Variants in PAX5 observed in about 807,000 individuals in gnomAD.
The protein encoded by PAX5 is paired box protein Pax-5.
A neutral mutation model predicts 43.7 loss-of-function variants in PAX5; 9 were observed. The ratio of observed to expected loss-of-function variants is 0.21; its 90% confidence interval spans 0.12 to 0.36. PAX5 has a LOEUF of 0.36. PAX5 is among the 10% of genes least tolerant of loss of function. PAX5 has a pLI of 1.00. For missense variants in PAX5, 383 were observed against 532.7 expected (o/e 0.72, Z 2.77); for synonymous variants, 228 against 214.3 (o/e 1.06, Z -0.56).
intron 6 of PAX5, among the ~76,000 whole-genome samples, chr9:36,962,896 C>T (rs75144924): frequency 4.1e-4 from 62 of 152,232 alleles, no homozygotes; most frequent in African/African-American, 1.5e-3. Context: ...CTGTCACCAC[C>T]GCCATGCCAC....
chr9:36,969,585 C>A (rs1463344286), intron 5 of PAX5, among the ~76,000 whole-genome samples: 18 of 152,252 alleles, frequency 1.2e-4, no homozygotes, highest in Non-Finnish European at 2.1e-4. Context: ...CAGGCAGCCT[C>A]GCTGGACACG....
chr9:36,943,476 C>A (rs1832226928), intron 6 of PAX5, among the ~76,000 whole-genome samples: 2 of 151,136 alleles, frequency 1.3e-5, no homozygotes, highest in South Asian at 4.2e-4. Flanking sequence ...ATCTTACTTG[C>A]TAACTTCAGC....
Position 36,846,877 on chromosome 9 carries a change from G to A in PAX5, c.1065C>T (p.Asn355=), listed in dbSNP as rs148662730. The change falls in exon 9 of 10, where the codon AAC becomes AAT. Residue 355 remains asparagine (N), a synonymous_variant. Coordinates refer to ENST00000358127, the MANE Select transcript of PAX5 (RefSeq NM_016734.3). Reference sequence around the variant, plus strand: ...CCGGGTTGGGGAACCTCCAGGAGTCGTTGTACGAGGAATACTGAGGGTGGC... The same window carrying A: ...CCGGGTTGGGGAACCTCCAGGAGTCATTGTACGAGGAATACTGAGGGTGGC... The part of the protein sequence containing the change: ...PYSHPQYSSY[N]DSWRFPNPGL... The A allele has an allele frequency of 4.0e-5, 64 of 1,614,086 alleles. 1 individual carries two copies. Among genetic ancestry groups the A allele is most frequent in the East Asian group, 1.8e-4 (8 of 44,878 alleles).
At chr9:36,864,988 C>G (rs1033132865) in intron 8 of PAX5, among the ~76,000 whole-genome samples, 1 of 152,216 alleles carries the variant, frequency 6.6e-6, no homozygotes, top group South Asian at 2.1e-4. Context: ...GAGAGAGGCA[C>G]CGCGGCCTTC....
At chr9:36,884,102 A>G (rs1038625967) in intron 7 of PAX5, among the ~76,000 whole-genome samples, 1 of 152,236 alleles carries the variant, frequency 6.6e-6, no homozygotes, top group Non-Finnish European at 1.5e-5. Flanking sequence ...CTCAGTTATT[A>G]AACTGTTCCC....
intron 8 of PAX5, chr9:36,856,560 C>G (rs534645418): frequency 1.3e-5 from 2 of 151,384 alleles, no homozygotes; most frequent in African/African-American, 4.9e-5. Context: ...TTTTTTTAGG[C>G]GGAGTCTCGC....
chr9:36,868,385 G>T (rs1268490255), intron 8 of PAX5, among the ~76,000 whole-genome samples: 1 of 152,248 alleles, frequency 6.6e-6, no homozygotes, highest in Admixed American at 6.5e-5. Flanking sequence ...GACCTCAGAC[G>T]CAGCCAGGAG....
intron 7 of PAX5, among the ~76,000 whole-genome samples, chr9:36,915,438 T>C (rs560528267): frequency 2.6e-5 from 4 of 152,322 alleles, no homozygotes; most frequent in African/African-American, 7.2e-5. Flanking sequence ...GTTTTAAAGT[T>C]ATAAGTCAGG....
intron 7 of PAX5, among the ~76,000 whole-genome samples, chr9:36,890,762 T>C (rs1055368457): frequency 1.3e-5 from 2 of 152,112 alleles, no homozygotes; most frequent in African/African-American, 4.8e-5. Flanking sequence ...CTGGAGCCCC[T>C]GAATTAAACC....
intron 8 of PAX5, among the ~76,000 whole-genome samples, chr9:36,860,563 TC>T (rs1824121569): frequency 6.6e-6 from 1 of 152,190 alleles, no homozygotes. Context: ...CACCCTCAAC[TC>T]TATGAAGCAG....
chr9:36,955,711 G>A (rs993029406), intron 6 of PAX5, among the ~76,000 whole-genome samples: 1 of 150,058 alleles, frequency 6.7e-6, no homozygotes, highest in Non-Finnish European at 1.5e-5. Flanking sequence ...TGCACTTAAA[G>A]TTCTGGCTTT....
At chr9:36,975,834 G>T (rs752337576) in intron 5 of PAX5, among the ~76,000 whole-genome samples, 4 of 152,316 alleles carry the variant, frequency 2.6e-5, no homozygotes, top group African/African-American at 7.2e-5. Context: ...CTCAATAAAC[G>T]TTAGCTGTTT....
At chr9:36,903,081 G>A (rs1828541792) in intron 7 of PAX5, among the ~76,000 whole-genome samples, 1 of 152,186 alleles carries the variant, frequency 6.6e-6, no homozygotes, top group Admixed American at 6.5e-5. Flanking sequence ...GGCAATGGAG[G>A]ATAAGAAAGC....
At chr9:37,001,810 CTTTT>C (rs3073720) in intron 5 of PAX5, among the ~76,000 whole-genome samples, 208 of 87,994 alleles carry the variant, frequency 2.4e-3, no homozygotes, top group African/African-American at 8.9e-3. Context: ...ACAGCTCTGG[CTTTT>C]TTTTTTTTTT....
chr9:36,940,095 G>A (rs772402770), intron 6 of PAX5, among the ~76,000 whole-genome samples: 11 of 152,206 alleles, frequency 7.2e-5, no homozygotes, highest in Non-Finnish European at 1.5e-4. Context: ...AGGAGTCTGA[G>A]GCTCCCCTGC....
intron 7 of PAX5, among the ~76,000 whole-genome samples, chr9:36,884,254 A>G (rs1032633686): frequency 6.6e-6 from 1 of 152,242 alleles, no homozygotes; most frequent in Non-Finnish European, 1.5e-5. Context: ...AAAGTCTACT[A>G]TCATACTGAT....
chr9:36,910,367 C>T (rs935031335), intron 7 of PAX5, among the ~76,000 whole-genome samples: 18 of 152,204 alleles, frequency 1.2e-4, no homozygotes, highest in African/African-American at 4.3e-4. Context: ...ACATTATTTA[C>T]ATCCCCTATG....
Position 36,838,222 on chromosome 9 carries a change from G to T in PAX5, c.*2338C>A, listed in dbSNP as rs572535060. On this transcript the variant is annotated 3_prime_UTR_variant, in exon 10 of 10. Coordinates refer to ENST00000358127, the MANE Select transcript of PAX5 (RefSeq NM_016734.3). ...GGGTGCATGTGCCTGCTGTGAGCTC[G>T]CTGGGCTCCATCCCTGGCCTGGGTG... 1.1e-4 allele frequency: 25 copies of T among 233,032 alleles called. No individual in the cohort carries two copies. Among genetic ancestry groups the T allele is most frequent in the African/African-American group, 5.3e-4 (24 of 45,314 alleles). 14.4% of individuals were successfully genotyped at this position (233,032 alleles called of 1,614,324 possible).
intron 5 of PAX5, among the ~76,000 whole-genome samples, chr9:36,997,981 C>T (rs1302633062): frequency 6.6e-6 from 1 of 152,238 alleles, no homozygotes; most frequent in African/African-American, 2.4e-5. Flanking sequence ...GAGTCCGAAC[C>T]AGAATGTCAT....
Sources: allele counts gnomAD v4.1 joint callset (sites outside exome capture counted in the v4.1 genomes callset), GRCh38; gene constraint gnomAD v4.1.1; transcripts MANE v1.5; gene names NCBI Gene and HGNC (gene_info 2026-07-23, HGNC 2026-07-21).